RALYL: variants seen among roughly 807,000 people sequenced by gnomAD.
RALYL encodes the protein RALY RNA binding protein like.
Under a neutral mutation model 35.1 loss-of-function variants are expected in RALYL, and 29 were observed. The observed-to-expected ratio is 0.83, with a 90% CI of 0.61 to 1.13. RALYL has a LOEUF of 1.13. Among genes scored for constraint, RALYL ranks in the 50% most tolerant of loss-of-function variants. The probability of loss-of-function intolerance (pLI) is 0.00; values close to 1 mark genes in which losing one functional copy is unlikely to be tolerated. For missense variants in RALYL, 359 were observed against 360.4 expected (o/e 1.00, Z 0.03); for synonymous variants, 120 against 127.6 (o/e 0.94, Z 0.40).
At chr8:84,390,973 G>T (rs1017723507) in intron 1 of RALYL, among the ~76,000 whole-genome samples, 10 of 151,996 alleles carry the variant, frequency 6.6e-5, no homozygotes, top group Admixed American at 6.6e-4. Context: ...ATGTCAGTTT[G>T]TTTCAGAATC....
At chr8:84,543,608 G>A (rs1261818648) in intron 2 of RALYL, among the ~76,000 whole-genome samples, 1 of 151,940 alleles carries the variant, frequency 6.6e-6, no homozygotes, top group African/African-American at 2.4e-5. Context: ...ATTAAACATA[G>A]TAGATATATT....
chr8:84,695,475 T>G (rs972668541), intron 2 of RALYL, among the ~76,000 whole-genome samples: 2 of 151,838 alleles, frequency 1.3e-5, no homozygotes, highest in Admixed American at 6.6e-5. Flanking sequence ...AGGGTACTGG[T>G]TACATTCATT....
intron 1 of RALYL, among the ~76,000 whole-genome samples, chr8:84,346,793 C>G (rs1241685804): frequency 6.6e-6 from 1 of 151,914 alleles, no homozygotes; most frequent in Non-Finnish European, 1.5e-5. Context: ...TATTGGAGAA[C>G]TAAAAATTGA....
chr8:84,876,793 G>C (rs181732538), intron 7 of RALYL, among the ~76,000 whole-genome samples: 1 of 152,212 alleles, frequency 6.6e-6, no homozygotes, highest in African/African-American at 2.4e-5. Flanking sequence ...TCTTAGAGAG[G>C]TTACAAGCAG....
intron 1 of RALYL, among the ~76,000 whole-genome samples, chr8:84,310,934 C>A (rs1446385619): frequency 6.9e-6 from 1 of 143,954 alleles, no homozygotes; most frequent in African/African-American, 2.6e-5. Context: ...GTAGTCCCAG[C>A]TACTCGGGAG....
intron 2 of RALYL, among the ~76,000 whole-genome samples, chr8:84,760,286 TA>T (rs1290850527): frequency 2.0e-5 from 3 of 152,076 alleles, no homozygotes; most frequent in Non-Finnish European, 4.4e-5. Context: ...AGCATGGTGG[TA>T]AAAATAATGT....
At chr8:84,371,539 T>TCACACACACACACACACACA (rs5892914) in intron 1 of RALYL, among the ~76,000 whole-genome samples, 60 of 144,156 alleles carry the variant, frequency 4.2e-4, no homozygotes, top group African/African-American at 1.3e-3. Flanking sequence ...TTTATGATTA[T>TCACACACACACACACACACA]CACACACACA....
chr8:84,849,178 C>A (rs551072943), intron 4 of RALYL, among the ~76,000 whole-genome samples: 1 of 152,040 alleles, frequency 6.6e-6, no homozygotes, highest in Non-Finnish European at 1.5e-5. Flanking sequence ...GGAGCTTAGT[C>A]GTAATACTGT....
chr8:84,478,922 T>TAAAAAA (rs1587656659), intron 1 of RALYL, among the ~76,000 whole-genome samples: 1 of 85,254 alleles, frequency 1.2e-5, no homozygotes, highest in Non-Finnish European at 2.7e-5. Context: ...CCGTCTCTAC[T>TAAAAAA]AAAAATACAA....
chr8:84,372,633 G>A (rs945889890), intron 1 of RALYL, among the ~76,000 whole-genome samples: 1 of 151,862 alleles, frequency 6.6e-6, no homozygotes, highest in Non-Finnish European at 1.5e-5. Context: ...AGTCCCAGGA[G>A]GATGACTGGG....
At chr8:84,212,541 C>G (rs1337979385) in intron 1 of RALYL, among the ~76,000 whole-genome samples, 1 of 151,976 alleles carries the variant, frequency 6.6e-6, no homozygotes, top group African/African-American at 2.4e-5. Flanking sequence ...TCTGAAGACA[C>G]AAAGCACAAA....
At chr8:84,217,907 C>T (rs1295404225) in intron 1 of RALYL, among the ~76,000 whole-genome samples, 2 of 152,080 alleles carry the variant, frequency 1.3e-5, no homozygotes, top group Non-Finnish European at 2.9e-5. Flanking sequence ...TTTTTAAAAA[C>T]ATACATGTGA....
chr8:84,867,038 A>C, intron 6 of RALYL, among the ~76,000 whole-genome samples: 1 of 152,184 alleles, frequency 6.6e-6, no homozygotes, highest in Non-Finnish European at 1.5e-5. Flanking sequence ...ATGGAGGCTG[A>C]AAGTTGGAGA....
At chr8:84,426,009 G>A (rs1012651858) in intron 1 of RALYL, among the ~76,000 whole-genome samples, 23 of 152,156 alleles carry the variant, frequency 1.5e-4, no homozygotes, top group African/African-American at 5.5e-4. Context: ...TTTATATAAT[G>A]TGTAGCTAAA....
At chr8:84,655,340 T>A (rs1829762315) in intron 2 of RALYL, among the ~76,000 whole-genome samples, 3 of 152,006 alleles carry the variant, frequency 2.0e-5, no homozygotes, top group Admixed American at 6.6e-5. Context: ...TTTGTTGTTG[T>A]TTTTTTGAGT....
chr8:84,363,252 G>A (rs371785742), intron 1 of RALYL, among the ~76,000 whole-genome samples: 6 of 152,220 alleles, frequency 3.9e-5, no homozygotes, highest in Non-Finnish European at 7.4e-5. Flanking sequence ...TCTTCTAATC[G>A]CAGTGATGTT....
chr8:84,886,411 G>A (rs1353965424), intron 7 of RALYL, among the ~76,000 whole-genome samples: 1 of 151,940 alleles, frequency 6.6e-6, no homozygotes, highest in Non-Finnish European at 1.5e-5. Flanking sequence ...GACCAGAAAT[G>A]AATACCCTAA....
At chr8:84,846,323 T>C (rs539793312) in intron 4 of RALYL, among the ~76,000 whole-genome samples, 1 of 152,346 alleles carries the variant, frequency 6.6e-6, no homozygotes, top group African/African-American at 2.4e-5. Context: ...GAGCAGTGTT[T>C]TGTAGTTCTC....
intron 1 of RALYL, among the ~76,000 whole-genome samples, chr8:84,514,425 T>C (rs1416773704): frequency 6.6e-6 from 1 of 152,198 alleles, no homozygotes; most frequent in Non-Finnish European, 1.5e-5. Context: ...AGTTTGTTTC[T>C]CACAGTTTTA....
Sources: gnomAD v4.1 joint callset for allele counts (sites outside exome capture counted in the v4.1 genomes callset) on GRCh38, gnomAD v4.1.1 for gene constraint, MANE v1.5 for transcripts, NCBI Gene and HGNC (gene_info 2026-07-23, HGNC 2026-07-21) for gene names.